The following DNAAF10 variants were observed in gnomAD, a reference collection of about 807,000 sequenced individuals.
DNAAF10 encodes WD repeat domain 92.
In DNAAF10, 28 loss-of-function variants were observed where a neutral mutation model predicts 43.7. The observed-to-expected ratio is 0.64, with a 90% CI of 0.48 to 0.88. The LOEUF (loss-of-function observed/expected upper bound fraction) is 0.88, where lower values mean the gene tolerates loss of function less well. Among genes scored for constraint, DNAAF10 ranks in the 40% least tolerant of loss-of-function variants. The probability of loss-of-function intolerance (pLI) is 0.00; values close to 1 mark genes in which losing one functional copy is unlikely to be tolerated. For missense variants in DNAAF10, 403 were observed against 439.1 expected, an observed-to-expected ratio of 0.92 and a Z score of 0.73; for synonymous variants, 156 against 157.3, an observed-to-expected ratio of 0.99 and a Z score of 0.06.
chr2:68,153,754 T>G (rs1196477474), intron 1 of DNAAF10, among the ~76,000 whole-genome samples: 2 of 145,524 alleles, frequency 1.4e-5, no homozygotes, highest in African/African-American at 5.1e-5. Flanking sequence ...AGTTTTTTTT[T>G]TTTTTTTTTT....
chr2:68,157,010 T>A (rs1673637546), intron 1 of DNAAF10: 1 of 571,096 alleles, frequency 1.8e-6, no homozygotes, highest in Non-Finnish European at 3.1e-6. Flanking sequence ...ACTGCAGGCA[T>A]CCTGGTGCCC....
intron 6 of DNAAF10, among the ~76,000 whole-genome samples, chr2:68,135,977 G>A (rs1242870398): frequency 2.0e-5 from 3 of 152,106 alleles, no homozygotes; most frequent in African/African-American, 4.8e-5. Context: ...CACTTTGGGA[G>A]GCTGAGGCAG....
chr2:68,132,259 C>T (rs1419873691), intron 7 of DNAAF10, among the ~76,000 whole-genome samples: 2 of 152,156 alleles, frequency 1.3e-5, no homozygotes, highest in Admixed American at 1.3e-4. Flanking sequence ...TTATTTCATA[C>T]ATGCTGGCAA....
chr2:68,147,337 A>C, intron 2 of DNAAF10, 130 bp downstream of exon 2: 2 of 641,456 alleles, frequency 3.1e-6, no homozygotes. Context: ...GACAATTCTC[A>C]TATTTTTATA....
rs572411239 is a variant in DNAAF10, at chr2:68,140,829, A to G, written c.517+865T>C. Among the ~76,000 whole-genome samples, 10 of 151,822 alleles carry G rather than the reference A, an allele frequency of 6.6e-5. No individual in the cohort carries two copies. In the South Asian group the frequency reaches 1.9e-3, roughly 28 times the overall value. On this transcript the variant is annotated intron_variant, in intron 4 of 7. Transcript: ENST00000295121. ...AGGCAACCAACAATGGATCGAAAAT[A>G]TTTGGAAAAAAATTTGCATCTACAC...
intron 2 of DNAAF10, among the ~76,000 whole-genome samples, 175 bp downstream of exon 2, chr2:68,147,292 G>A (rs1020449548): frequency 2.0e-5 from 3 of 152,034 alleles, no homozygotes; most frequent in African/African-American, 7.2e-5. Context: ...TTTTTTAATG[G>A]ATTTTGAATA....
intron 1 of DNAAF10, among the ~76,000 whole-genome samples, chr2:68,149,676 C>T (rs1007890255): frequency 1.3e-5 from 2 of 152,190 alleles, no homozygotes; most frequent in Non-Finnish European, 2.9e-5. Flanking sequence ...AATATATTAA[C>T]AGTGGTAAAG....
At chr2:68,137,191 G>A in intron 6 of DNAAF10, 108 bp downstream of exon 6, 1 of 1,267,470 alleles carries the variant, frequency 7.9e-7, no homozygotes, top group Non-Finnish European at 1.0e-6. Flanking sequence ...ATCAAAAATA[G>A]CTCCCTTCAC....
At chr2:68,133,785 G>A (rs1333111281) in intron 7 of DNAAF10, among the ~76,000 whole-genome samples, 2 of 152,078 alleles carry the variant, frequency 1.3e-5, no homozygotes, top group Non-Finnish European at 2.9e-5. Context: ...TCTGCTTTTT[G>A]TCAGCGGTAT....
intron 1 of DNAAF10, among the ~76,000 whole-genome samples, chr2:68,148,104 T>C (rs1673368531): frequency 6.6e-6 from 1 of 152,204 alleles, no homozygotes; most frequent in African/African-American, 2.4e-5. Flanking sequence ...GTTTCTTTAC[T>C]TTAAAAGGCT....
chr2:68,130,104 TGAGAGAGAGA>T lies in DNAAF10; in HGVS notation c.*1124_*1133del, dbSNP rs10574149. 1 of 63,886 alleles carries T rather than the reference TGAGAGAGAGA, an allele frequency of 1.6e-5. No individual in the cohort carries two copies. Among genetic ancestry groups the T allele is most frequent in the African/African-American group, 3.8e-5 (1 of 26,440 alleles). 4.0% of individuals were successfully genotyped at this position (63,886 alleles called of 1,614,324 possible). On this transcript the variant is annotated 3_prime_UTR_variant, in exon 8 of 8. Transcript: ENST00000295121. ...CAAATCTAGACCAACCGTGCCGTTT[TGAGAGAGAGA>T]GATATATATATATATATTTGTTTTT... is the stretch of plus-strand genomic sequence containing the variant.
At position 68,157,270 on chromosome 2, in the gene DNAAF10, C is replaced by G. The variant is rs1375222155; in HGVS notation, c.174G>C (p.Leu58=). 6.2e-7 allele frequency: 1 copy of G among 1,612,998 alleles called. No individual in the cohort carries two copies. Among genetic ancestry groups the G allele is most frequent in the Non-Finnish European group, 8.5e-7 (1 of 1,179,456 alleles). The change falls in exon 1 of 8, where the codon CTG becomes CTC. Residue 58 remains leucine, a synonymous_variant. Transcript: ENST00000295121. ...LYEIQHGDLK[L]LREIEKAKPI... ...TCGACCCGGCACCCACCTCCCGAAG[C>G]AGCTTCAGGTCCCCGTGCTGGATCT...
At chr2:68,138,480 C>T (rs763824045) in intron 5 of DNAAF10, among the ~76,000 whole-genome samples, 18 of 152,068 alleles carry the variant, frequency 1.2e-4, no homozygotes, top group Admixed American at 3.3e-4. Flanking sequence ...ACTACATGGC[C>T]CACAGGGGTC....
chr2:68,138,632 G>T, intron 5 of DNAAF10, 110 bp downstream of exon 5: 1 of 764,752 alleles, frequency 1.3e-6, no homozygotes. Context: ...AGAACCGTTG[G>T]CAGAGGGGTT....
intron 1 of DNAAF10, among the ~76,000 whole-genome samples, chr2:68,153,250 G>C (rs562796665): frequency 6.7e-6 from 1 of 148,484 alleles, no homozygotes; most frequent in Admixed American, 6.8e-5. Context: ...CTAAGATAAA[G>C]AAGACTTCAA....
In DNAAF10 at chr2:68,138,786, G is replaced by C. The variant is rs761985509; in HGVS notation, c.589C>G (p.Leu197Val). Residue 197 changes from leucine to valine, a missense_variant, in exon 5 of 8, where the codon CTC becomes GTC. By Grantham distance (32) the Leu-to-Val change is conservative. Transcript: ENST00000295121. ...TCCCACCGTAATGCCATATTTCTGA[G>C]ATCAAATAGTTTGATATCCCCATTG... ...YDNGDIKLFDLRNMALRWETN... is the reference protein window; with the variant it reads ...YDNGDIKLFDVRNMALRWETN... The C allele has an allele frequency of 6.2e-7, 1 of 1,614,046 alleles. No individual in the cohort carries two copies. The highest frequency in any genetic ancestry group is 8.5e-7 in the Non-Finnish European group (1 of 1,179,950).
At chr2:68,144,168 A>C (rs1307385070) in intron 3 of DNAAF10, among the ~76,000 whole-genome samples, 4 of 152,218 alleles carry the variant, frequency 2.6e-5, no homozygotes, top group Admixed American at 2.6e-4. Context: ...GATGGATCAC[A>C]GAACTTCAGT....
At chr2:68,131,596 TAAAG>T (rs1672932971) in intron 7 of DNAAF10, 151 bp from the exon 8 acceptor site, 1 of 775,768 alleles carries the variant, frequency 1.3e-6, no homozygotes, top group Middle Eastern at 3.8e-4. Flanking sequence ...TGTTTGCAAA[TAAAG>T]AGACAATTTC....
chr2:68,154,407 C>T (rs1475915564), intron 1 of DNAAF10, among the ~76,000 whole-genome samples: 4 of 151,952 alleles, frequency 2.6e-5, no homozygotes, highest in African/African-American at 4.8e-5. Flanking sequence ...CCACCACGCC[C>T]GGCTGATTTT....
Sources: allele counts gnomAD v4.1 joint callset (sites outside exome capture counted in the v4.1 genomes callset), GRCh38; gene constraint gnomAD v4.1.1; transcripts MANE v1.5; gene names NCBI Gene and HGNC (gene_info 2026-07-23, HGNC 2026-07-21).